JARID2: variants seen among roughly 807,000 people sequenced by gnomAD.
The protein encoded by JARID2 is jumonji and AT-rich interaction domain containing 2.
Under a neutral mutation model 125.6 loss-of-function variants are expected in JARID2, and 21 were observed. The ratio of observed to expected loss-of-function variants is 0.17; its 90% confidence interval spans 0.12 to 0.24. The LOEUF is 0.24. Ranked by LOEUF, JARID2 falls within the 10% of genes least tolerant of loss-of-function variation. The pLI, the probability that JARID2 is intolerant of heterozygous loss-of-function variation, is 1.00. For synonymous variants in JARID2, 736 were observed against 661.6 expected, an observed-to-expected ratio of 1.11 and a Z score of -1.73; for missense variants, 1,303 against 1,639.6, an observed-to-expected ratio of 0.79 and a Z score of 3.55.
In JARID2 at chr6:15,512,352, A is replaced by G; in HGVS notation, c.3097A>G (p.Thr1033Ala). The G allele has an allele frequency of 1.2e-6, 2 of 1,614,170 alleles. No individual in the cohort carries two copies. Among genetic ancestry groups the G allele is most frequent in the South Asian group, 1.1e-5 (1 of 91,082 alleles). ...YSVSETVHFA[T>A]TQWTSMGFET... ...CGTGTCTGAAACCGTGCACTTTGCTACCACCCAGTGGACAAGTATGGGCTT... is the reference window on the plus strand; with the variant it reads ...CGTGTCTGAAACCGTGCACTTTGCTGCCACCCAGTGGACAAGTATGGGCTT... The change falls in exon 14 of 18, where the codon ACC becomes GCC. Residue 1033 changes from threonine (T) to alanine (A), a missense_variant. This residue lies in a region of JARID2 where 190 missense variants were observed against 341.4 expected (regional missense o/e 0.56). Transcript: ENST00000341776.
At chr6:15,402,528 T>A (rs1252151267) in intron 2 of JARID2, among the ~76,000 whole-genome samples, 1 of 152,178 alleles carries the variant, frequency 6.6e-6, no homozygotes, top group East Asian at 1.9e-4. Context: ...ACTTTCCACA[T>A]GTTGGGCCCA....
chr6:15,517,227 A>G lies in JARID2; in HGVS notation c.3517A>G (p.Lys1173Glu). 6.2e-7 allele frequency: 1 copy of G among 1,614,064 alleles called. No homozygotes were observed. Among genetic ancestry groups the G allele is most frequent in the Non-Finnish European group, 8.5e-7 (1 of 1,179,958 alleles). ...TGCTCTGCGCCACGTGGAGAAACAG[A>G]AGTCCTGCCGAGGGCTGAAGTTGAT... ...ECALRHVEKQ[K>E]SCRGLKLMYR... Residue 1173 changes from lysine (K) to glutamate (E), a missense_variant, in exon 17 of 18, where the codon AAG becomes GAG. Transcript: ENST00000341776.
At chr6:15,278,085 T>TAAAAATACA (rs1351395909) in intron 1 of JARID2, among the ~76,000 whole-genome samples, 1 of 151,592 alleles carries the variant, frequency 6.6e-6, no homozygotes, top group East Asian at 2.0e-4. Context: ...CTGTCTCTAC[T>TAAAAATACA]AAAAATACAA....
At chr6:15,281,383 ATG>A (rs754303099) in intron 1 of JARID2, among the ~76,000 whole-genome samples, 1 of 152,250 alleles carries the variant, frequency 6.6e-6, no homozygotes, top group Admixed American at 6.5e-5. Flanking sequence ...ACATTGTGGT[ATG>A]TGTGAATTCA....
At chr6:15,454,700 T>TG (rs1421307849) in intron 4 of JARID2, among the ~76,000 whole-genome samples, 1 of 151,906 alleles carries the variant, frequency 6.6e-6, no homozygotes, top group African/African-American at 2.4e-5. Context: ...AGGCTGGTCT[T>TG]GAAGTCCTGG....
intron 2 of JARID2, among the ~76,000 whole-genome samples, chr6:15,375,368 T>C (rs760695266): frequency 2.0e-5 from 3 of 152,234 alleles, no homozygotes; most frequent in Non-Finnish European, 4.4e-5. Flanking sequence ...TTCTTTCTTA[T>C]GGGTGACTTG....
chr6:15,266,255 G>A (rs1383230384), intron 1 of JARID2, among the ~76,000 whole-genome samples: 1 of 152,162 alleles, frequency 6.6e-6, no homozygotes, highest in East Asian at 1.9e-4. Context: ...CTCTTTTAAA[G>A]AGCTTTTTAG....
At chr6:15,466,767 A>G (rs1423008470) in intron 4 of JARID2, among the ~76,000 whole-genome samples, 3 of 152,168 alleles carry the variant, frequency 2.0e-5, no homozygotes, top group African/African-American at 7.2e-5. Flanking sequence ...TAGATTGAGT[A>G]TATATTTTGG....
intron 2 of JARID2, among the ~76,000 whole-genome samples, chr6:15,385,263 T>G (rs147345630): frequency 6.6e-6 from 1 of 152,158 alleles, no homozygotes; most frequent in Non-Finnish European, 1.5e-5. Context: ...TTCTGGTATC[T>G]ATGTGACTTG....
chr6:15,428,294 G>T (rs1766818221), intron 3 of JARID2, among the ~76,000 whole-genome samples: 1 of 151,920 alleles, frequency 6.6e-6, no homozygotes, highest in African/African-American at 2.4e-5. Flanking sequence ...TATACTTTAA[G>T]TTCTAGGGTA....
At chr6:15,307,164 C>T (rs1366026188) in intron 1 of JARID2, among the ~76,000 whole-genome samples, 1 of 151,898 alleles carries the variant, frequency 6.6e-6, no homozygotes, top group African/African-American at 2.4e-5. Flanking sequence ...ATCGCCTGAA[C>T]CCCGGAGGTG....
At chr6:15,413,009 T>TTTTTTTTTTC (rs1765961325) in intron 3 of JARID2, among the ~76,000 whole-genome samples, 1 of 43,722 alleles carries the variant, frequency 2.3e-5, no homozygotes, top group South Asian at 6.7e-4. Flanking sequence ...TGTGTTTTTG[T>TTTTTTTTTTC]TTTTTTTTTT....
intron 11 of JARID2, 114 bp from the exon 12 acceptor site, chr6:15,508,226 G>A (rs1321932826): frequency 3.0e-6 from 2 of 658,216 alleles, no homozygotes; most frequent in African/African-American, 3.6e-5. Flanking sequence ...CTGGCTTTGA[G>A]TCCCATTTCT....
intron 1 of JARID2, among the ~76,000 whole-genome samples, chr6:15,350,104 G>A (rs1428674605): frequency 1.3e-5 from 2 of 152,098 alleles, no homozygotes; most frequent in Non-Finnish European, 2.9e-5. Context: ...TGCAAGCCCA[G>A]CATCTGTTTT....
intron 1 of JARID2, among the ~76,000 whole-genome samples, chr6:15,311,372 G>A (rs1396010006): frequency 2.6e-5 from 4 of 152,202 alleles, no homozygotes; most frequent in African/African-American, 4.8e-5. Context: ...GTGGTTGGGA[G>A]TTCGAGACTA....
chr6:15,287,187 T>C (rs776152281), intron 1 of JARID2, among the ~76,000 whole-genome samples: 1 of 152,154 alleles, frequency 6.6e-6, no homozygotes, highest in Non-Finnish European at 1.5e-5. Context: ...ATCCTTTCTT[T>C]CCTTGTTCTC....
chr6:15,485,653 A>G (rs1268403590), intron 5 of JARID2, among the ~76,000 whole-genome samples: 1 of 152,260 alleles, frequency 6.6e-6, no homozygotes, highest in African/African-American at 2.4e-5. Flanking sequence ...ATACTTTCAT[A>G]AAACTGGGAG....
chr6:15,409,094 A>G (rs565496191), intron 2 of JARID2, among the ~76,000 whole-genome samples: 1 of 152,336 alleles, frequency 6.6e-6, no homozygotes, highest in East Asian at 1.9e-4. Flanking sequence ...GATGTGTACT[A>G]TGTTCATTCA....
intron 5 of JARID2, among the ~76,000 whole-genome samples, chr6:15,487,094 C>T (rs1221499484): frequency 6.6e-6 from 1 of 152,094 alleles, no homozygotes; most frequent in Admixed American, 6.5e-5. Flanking sequence ...TTTAAACCAT[C>T]AGATCTCATG....
Sources: allele counts gnomAD v4.1 joint callset (sites outside exome capture counted in the v4.1 genomes callset), GRCh38; gene constraint gnomAD v4.1.1; regional missense constraint gnomAD v4.1.1; transcripts MANE v1.5; gene names NCBI Gene and HGNC (gene_info 2026-07-23, HGNC 2026-07-21).